Variants in FAM120A observed in about 807,000 individuals in gnomAD.
The protein encoded by FAM120A is family with sequence similarity 120 member A.
Under a neutral mutation model 109.7 loss-of-function variants are expected in FAM120A, and 15 were observed. The ratio of observed to expected loss-of-function variants is 0.14; its 90% confidence interval spans 0.09 to 0.21. The LOEUF is 0.21. Among genes scored for constraint, FAM120A ranks in the 10% least tolerant of loss-of-function variants. The probability of loss-of-function intolerance (pLI) is 1.00; values close to 1 mark genes in which losing one functional copy is unlikely to be tolerated. For missense variants in FAM120A, 899 were observed against 1,439.3 expected (o/e 0.62, Z 6.07); for synonymous variants, 493 against 572.8 (o/e 0.86, Z 1.99).
At position 93,550,568 on chromosome 9, in the gene FAM120A, C is replaced by T; in HGVS notation, c.2160-9C>T. 2 of 1,610,502 alleles carry T rather than the reference C, an allele frequency of 1.2e-6. No homozygotes were observed. The highest frequency in any genetic ancestry group is 1.7e-6 in the Non-Finnish European group (2 of 1,177,464). The stretch of plus-strand genomic sequence containing the variant: ...TAATCACCAACCTTTTGTTTCTGCC[C>T]CTCACCAGGTACATGGTGCAGTGGC... On this transcript the variant is annotated splice_polypyrimidine_tract_variant and intron_variant, in intron 11 of 17. Coordinates refer to ENST00000277165, the MANE Select transcript of FAM120A (RefSeq NM_014612.5).
In FAM120A at chr9:93,488,353, G is replaced by A. The variant is rs1000032513; in HGVS notation, c.805-9118G>A. On this transcript the variant is annotated intron_variant, in intron 3 of 17. Coordinates refer to ENST00000277165, the MANE Select transcript of FAM120A (RefSeq NM_014612.5). ...GCTGTGTGAGCTGATCTTGTGGATG[G>A]TTTTCAGCCTCATCATAATCCTCCT... is the stretch of plus-strand genomic sequence containing the variant. Among the ~76,000 whole-genome samples the A allele has an allele frequency of 1.3e-5, 2 of 152,090 alleles. 1 individual carries two copies. The highest frequency in any genetic ancestry group is 1.3e-4 in the Admixed American group (2 of 15,280).
intron 3 of FAM120A, among the ~76,000 whole-genome samples, chr9:93,480,978 G>A (rs1858773292): frequency 6.6e-6 from 1 of 152,250 alleles, no homozygotes; most frequent in South Asian, 2.1e-4. Context: ...AGAGAGCTGA[G>A]CCTGCAGAGC....
chr9:93,506,338 A>AT (rs1357744333), intron 5 of FAM120A, among the ~76,000 whole-genome samples: 1 of 152,028 alleles, frequency 6.6e-6, no homozygotes, highest in Non-Finnish European at 1.5e-5. Flanking sequence ...GTAAACTTGA[A>AT]TTTTCTTCAT....
Position 93,452,468 on chromosome 9 carries a change from G to A in FAM120A, c.474+79G>A, listed in dbSNP as rs754331377. 1 of 1,546,122 alleles carries A rather than the reference G, an allele frequency of 6.5e-7. No homozygotes were observed. Among genetic ancestry groups the A allele is most frequent in the South Asian group, 1.2e-5 (1 of 85,850 alleles). ...CCCCCTTCCCAGGGCGCAGAATGTC[G>A]CCCGGCCGTGGCGGCGCTGGGGGCA... On this transcript the variant is annotated intron_variant, in intron 1 of 17. Transcript: ENST00000277165. This position sits in a 1 kb window ranked among gnomAD's most constrained non-coding sequence, Gnocchi z 7.0.
intron 10 of FAM120A, among the ~76,000 whole-genome samples, chr9:93,533,317 A>G (rs1861398603): frequency 6.6e-6 from 1 of 152,168 alleles, no homozygotes; most frequent in Non-Finnish European, 1.5e-5. Flanking sequence ...TCTGTTTGCA[A>G]TTACTATGAC....
intron 5 of FAM120A, among the ~76,000 whole-genome samples, chr9:93,514,576 C>T (rs1477866615): frequency 6.6e-6 from 1 of 152,222 alleles, no homozygotes. Flanking sequence ...CTTAAACCGC[C>T]TCAGGGCTCC....
intron 3 of FAM120A, among the ~76,000 whole-genome samples, chr9:93,489,577 A>G (rs1201462677): frequency 6.6e-6 from 1 of 152,220 alleles, no homozygotes; most frequent in Non-Finnish European, 1.5e-5. Context: ...TGTTCAGTTT[A>G]AATCCTTTAG....
rs1247498654 is a variant in FAM120A at position 93,500,985 on chromosome 9, TC to T, written c.1030+2100del. 6.6e-6 allele frequency among the ~76,000 whole-genome samples: 1 copy of T among 152,264 alleles called. No individual in the cohort carries two copies. Among genetic ancestry groups the T allele is most frequent in the Non-Finnish European group, 1.5e-5 (1 of 68,050 alleles). ...GTCATTCAATGCCCTTTTAGGTAAT[TC>T]TGCCTATAAGAATAACAGATACTGT... On this transcript the variant is annotated intron_variant, in intron 5 of 17. Coordinates refer to ENST00000277165, the MANE Select transcript of FAM120A (RefSeq NM_014612.5). The surrounding 1 kb of genome is among the most constrained non-coding windows in gnomAD (Gnocchi z 4.6).
chr9:93,452,030 C>A lies in FAM120A; in HGVS notation c.115C>A (p.Pro39Thr). 6.4e-7 allele frequency: 1 copy of A among 1,563,708 alleles called. No homozygotes were observed. Among genetic ancestry groups the A allele is most frequent in the East Asian group, 2.4e-5 (1 of 42,418 alleles). ...GSLVGGGRQR[P>T]PQTPLRLLVD... The stretch of plus-strand genomic sequence containing the variant: ...CCTGGTGGGCGGCGGGCGGCAGCGG[C>A]CCCCGCAGACCCCGCTGCGCCTGCT... The change falls in exon 1 of 18, where the codon CCC (proline) becomes ACC (threonine). Residue 39 changes from proline to threonine, a missense_variant. By Grantham distance (38) the Pro-to-Thr change is conservative. Transcript: ENST00000277165. The surrounding 1 kb of genome is among the most constrained non-coding windows in gnomAD (Gnocchi z 7.0).
Position 93,558,578 on chromosome 9 carries a change from C to T in FAM120A, c.2669-3C>T. The T allele has an allele frequency of 6.2e-7, 1 of 1,614,130 alleles. No individual in the cohort carries two copies. The highest frequency in any genetic ancestry group is 8.5e-7 in the Non-Finnish European group (1 of 1,180,014). ...CCCTCTCTCTCTACCCCGGGTCCCA[C>T]AGGCGTCTGTGGCTTTGGAGGCCCC... is the stretch of plus-strand genomic sequence containing the variant. On this transcript the variant is annotated splice_region_variant and splice_polypyrimidine_tract_variant and intron_variant, in intron 14 of 17. Transcript: ENST00000277165.
chr9:93,553,684 A>G (rs1019514004), intron 12 of FAM120A, among the ~76,000 whole-genome samples: 1 of 152,198 alleles, frequency 6.6e-6, no homozygotes, highest in Non-Finnish European at 1.5e-5. Flanking sequence ...TATTGCAGCT[A>G]TTTTATAATC....
intron 7 of FAM120A, among the ~76,000 whole-genome samples, chr9:93,518,069 G>A (rs559379070): frequency 6.6e-6 from 1 of 152,318 alleles, no homozygotes; most frequent in South Asian, 2.1e-4. Flanking sequence ...TCGGGGTCTT[G>A]TGTTTTGCCA....
At chr9:93,481,638 T>C (rs1178289147) in intron 3 of FAM120A, among the ~76,000 whole-genome samples, 3 of 152,232 alleles carry the variant, frequency 2.0e-5, no homozygotes, top group African/African-American at 4.8e-5. Flanking sequence ...ACTGAGCCCT[T>C]CGAGCTCCTT....
chr9:93,459,649 C>G (rs1857702657), intron 1 of FAM120A, among the ~76,000 whole-genome samples: 1 of 152,160 alleles, frequency 6.6e-6, no homozygotes, highest in African/African-American at 2.4e-5. Context: ...AATATGTTTA[C>G]TCAGTGAAGA....
chr9:93,546,230 A>G (rs1247430612), intron 11 of FAM120A, among the ~76,000 whole-genome samples: 1 of 152,136 alleles, frequency 6.6e-6, no homozygotes, highest in African/African-American at 2.4e-5. Flanking sequence ...AGCAATAATG[A>G]ATTTGATTAC....
chr9:93,510,910 T>C (rs1860288630), intron 5 of FAM120A, among the ~76,000 whole-genome samples: 1 of 151,360 alleles, frequency 6.6e-6, no homozygotes, highest in South Asian at 2.1e-4. Flanking sequence ...TGATGCCGTA[T>C]CTCGTGATGT....
At chr9:93,533,096 T>G (rs1310382090) in intron 10 of FAM120A, among the ~76,000 whole-genome samples, 1 of 152,218 alleles carries the variant, frequency 6.6e-6, no homozygotes, top group African/African-American at 2.4e-5. Flanking sequence ...CAGAAAAGAA[T>G]CCTCAAACAT....
In FAM120A at chr9:93,451,999, G is replaced by A. The variant is rs1330404260; in HGVS notation, c.84G>A (p.Arg28=). Residue 28 remains arginine, a synonymous_variant, in exon 1 of 18, where the codon CGG becomes CGA. Coordinates refer to ENST00000277165, the MANE Select transcript of FAM120A (RefSeq NM_014612.5). ...VVPVELQKLA[R]GSLVGGGRQR... is the part of the protein sequence containing the mutation. ...CGGTGGAGCTGCAGAAGCTGGCCCG[G>A]GGCAGCCTGGTGGGCGGCGGGCGGC... 1.3e-6 allele frequency: 2 copies of A among 1,551,038 alleles called. No individual in the cohort carries two copies. Among genetic ancestry groups the A allele is most frequent in the Non-Finnish European group, 1.7e-6 (2 of 1,148,694 alleles).
chr9:93,482,568 G>T (rs1262540809), intron 3 of FAM120A, among the ~76,000 whole-genome samples: 3 of 151,596 alleles, frequency 2.0e-5, no homozygotes, highest in Non-Finnish European at 4.4e-5. Context: ...AAGTCATTGA[G>T]TGGTACTTTT....
Sources: allele counts gnomAD v4.1 joint callset (sites outside exome capture counted in the v4.1 genomes callset), GRCh38; gene constraint gnomAD v4.1.1; non-coding constraint Gnocchi (gnomAD v3.1); transcripts MANE v1.5; gene names NCBI Gene and HGNC (gene_info 2026-07-23, HGNC 2026-07-21).